ATP12A: variants seen among roughly 807,000 people sequenced by gnomAD.
ATP12A encodes the protein ATPase H+/K+ transporting non-gastric alpha2 subunit.
Under a neutral mutation model 111.2 loss-of-function variants are expected in ATP12A, and 81 were observed. The ratio of observed to expected loss-of-function variants is 0.73; its 90% CI spans 0.61 to 0.88. The LOEUF (loss-of-function observed/expected upper bound fraction) is 0.88, where lower values mean the gene tolerates loss of function less well. Among genes scored for constraint, ATP12A ranks in the 40% least tolerant of loss-of-function variants. The pLI is 0.00. For synonymous variants in ATP12A, 498 were observed against 499.8 expected, an observed-to-expected ratio of 1.00 and a Z score of 0.05; for missense variants, 1,196 against 1,313.1, an observed-to-expected ratio of 0.91 and a Z score of 1.38.
intron 13 of ATP12A, 120 bp from the exon 14 acceptor site, chr13:24,701,815 C>G (rs1875409024): frequency 7.7e-7 from 1 of 1,302,004 alleles, no homozygotes; most frequent in Non-Finnish European, 1.1e-6. Flanking sequence ...CCAGAGCTGC[C>G]ACTGTAATCA....
intron 10 of ATP12A, 56 bp from the exon 11 acceptor site, chr13:24,694,388 G>C (rs1253607751): frequency 6.2e-7 from 1 of 1,606,190 alleles, no homozygotes; most frequent in Non-Finnish European, 8.5e-7. Context: ...CCTATGCTGA[G>C]GGCATGTTGG....
In ATP12A at chr13:24,711,488, C is replaced by G. The variant is rs1384822411; in HGVS notation, c.3092-6C>G. ...ATTTCTGATGTACTTTTTTCTACCT[C>G]TACAGGCTGGTGGGATAAGAACATG... On this transcript the variant is annotated splice_region_variant and splice_polypyrimidine_tract_variant and intron_variant, in intron 22 of 22. Coordinates refer to ENST00000381946, the MANE Select transcript of ATP12A (RefSeq NM_001676.7). 6.2e-7 allele frequency: 1 copy of G among 1,614,188 alleles called. No individual in the cohort carries two copies. Among genetic ancestry groups the G allele is most frequent in the Non-Finnish European group, 8.5e-7 (1 of 1,180,030 alleles).
chr13:24,701,793 T>A, intron 13 of ATP12A, 142 bp from the exon 14 acceptor site: 1 of 1,070,316 alleles, frequency 9.3e-7, no homozygotes, highest in Non-Finnish European at 1.4e-6. Context: ...CAAAGACAGT[T>A]GTCTCGTAGA....
chr13:24,712,460 T>G lies in ATP12A; in HGVS notation c.*938T>G, dbSNP rs1593146894. On this transcript the variant is annotated 3_prime_UTR_variant, in exon 23 of 23. Transcript: ENST00000381946. Reference sequence around the variant, plus strand: ...AGGCCTCATTTTTAACTAAAAGATGTTTTATAAACCCAGGTTTAATTGTGG... The same window carrying G: ...AGGCCTCATTTTTAACTAAAAGATGGTTTATAAACCCAGGTTTAATTGTGG... The G allele has an allele frequency of 6.6e-6, 1 of 152,188 alleles. No individual in the cohort carries two copies. The highest frequency in any genetic ancestry group is 2.1e-4 in the South Asian group (1 of 4,814). 9.4% of individuals were successfully genotyped at this position (152,188 alleles called of 1,614,324 possible).
rs1593145351 is a variant in ATP12A, at chr13:24,709,726, C to G, written c.2661C>G (p.Val887=). 6.2e-7 allele frequency: 1 copy of G among 1,614,230 alleles called. No individual in the cohort carries two copies. The highest frequency in any genetic ancestry group is 2.2e-5 in the East Asian group (1 of 44,882). ...ALGAFLVYFT[V]YAQEGFLPRT... ...GAGCTTTCCTTGTGTATTTCACCGT[C>G]TATGCACAAGAGGGCTTTCTGCCCC... The change falls in exon 19 of 23, where the codon GTC becomes GTG. Residue 887 remains valine (V), a synonymous_variant. Transcript: ENST00000381946.
intron 10 of ATP12A, 93 bp downstream of exon 10, chr13:24,692,989 G>T (rs878891335): frequency 7.2e-6 from 9 of 1,250,340 alleles, no homozygotes; most frequent in Non-Finnish European, 1.0e-5. Flanking sequence ...CTCTCCAGTT[G>T]CTTAAAGTTT....
chr13:24,684,050 AACC>A (rs1475392577), intron 2 of ATP12A, among the ~76,000 whole-genome samples: 2 of 151,976 alleles, frequency 1.3e-5, no homozygotes, highest in Non-Finnish European at 2.9e-5. Flanking sequence ...CACCCCAGAT[AACC>A]ACCACCACCT....
chr13:24,691,579 G>T lies in ATP12A; in HGVS notation c.1068+329G>T, dbSNP rs117511350. On this transcript the variant is annotated intron_variant, in intron 8 of 22. Coordinates refer to ENST00000381946, the MANE Select transcript of ATP12A (RefSeq NM_001676.7). Reference sequence around the variant, plus strand: ...TTGATGCCTTCCGCACATTTCTTTGGCAGTTTCTACAACTTAGGCATTTAG... The same window carrying T: ...TTGATGCCTTCCGCACATTTCTTTGTCAGTTTCTACAACTTAGGCATTTAG... Among the ~76,000 whole-genome samples the T allele has an allele frequency of 9.0e-3, 1,366 of 151,942 alleles. 11 individuals carry two copies. The highest frequency in any genetic ancestry group is 0.016 in the South Asian group (77 of 4,810).
chr13:24,682,978 CAG>C (rs1393042571), intron 2 of ATP12A, among the ~76,000 whole-genome samples: 11 of 110,432 alleles, frequency 1.0e-4, no homozygotes, highest in South Asian at 3.0e-4. Context: ...TTTTTTGAGA[CAG>C]AGTTTCGCTC....
chr13:24,706,233 C>A, intron 14 of ATP12A, 80 bp from the exon 15 acceptor site: 1 of 1,548,120 alleles, frequency 6.5e-7, no homozygotes, highest in South Asian at 1.3e-5. Flanking sequence ...AGAGAGGCTT[C>A]AGCCAGCATC....
In ATP12A at chr13:24,690,346, C is replaced by T. The variant is rs373778335; in HGVS notation, c.555C>T (p.Leu185=). Residue 185 remains leucine, a synonymous_variant, in exon 6 of 23, where the codon CTC becomes CTT. Transcript: ENST00000381946. ...ATGGTTTTTTTCTGCAGCAAGCTCTCGTCATCCGAGATTCCGAGAAGAAGA... is the reference window on the plus strand; with the variant it reads ...ATGGTTTTTTTCTGCAGCAAGCTCTTGTCATCCGAGATTCCGAGAAGAAGA... ...SFNKMIPQQA[L]VIRDSEKKTI... 3.3e-5 allele frequency: 54 copies of T among 1,613,074 alleles called. No individual in the cohort carries two copies. The highest frequency in any genetic ancestry group is 2.9e-4 in the East Asian group (13 of 44,864).
chr13:24,706,589 C>T (rs1388398109), intron 15 of ATP12A, 126 bp downstream of exon 15: 2 of 1,367,094 alleles, frequency 1.5e-6, no homozygotes, highest in Non-Finnish European at 2.0e-6. Context: ...TTGGCTCATC[C>T]CCATCACCTG....
chr13:24,692,455 G>A lies in ATP12A; in HGVS notation c.1095G>A (p.Arg365=), dbSNP rs750380289. ...VTVTLSLTAK[R]MAKKNCLVKN... ...TGACCCTGTCGCTGACAGCAAAACG[G>A]ATGGCCAAGAAGAACTGCCTGGTGA... Residue 365 remains arginine, a synonymous_variant, in exon 9 of 23, where the codon CGG becomes CGA. Coordinates refer to ENST00000381946, the MANE Select transcript of ATP12A (RefSeq NM_001676.7). 1.2e-6 allele frequency: 2 copies of A among 1,614,022 alleles called. No individual in the cohort carries two copies. The highest frequency in any genetic ancestry group is 1.1e-5 in the South Asian group (1 of 91,070).
At position 24,711,810 on chromosome 13, in the gene ATP12A, C is replaced by T. The variant is rs1225648041; in HGVS notation, c.*288C>T. The T allele has an allele frequency of 2.1e-6, 1 of 483,786 alleles. No homozygotes were observed. Among genetic ancestry groups the T allele is most frequent in the East Asian group, 3.9e-5 (1 of 25,504 alleles). 30.0% of individuals were successfully genotyped at this position (483,786 alleles called of 1,614,324 possible). A position where few individuals can be genotyped will look rare whatever the true frequency, so the allele number is the denominator to read the frequency against. ...AGAATGTGTTTATGTGTATTTGAAA[C>T]TCCTTGATGTTAATAGTCTTGTGTA... On this transcript the variant is annotated 3_prime_UTR_variant, in exon 23 of 23. Transcript: ENST00000381946.
intron 4 of ATP12A, 86 bp downstream of exon 4, chr13:24,688,608 C>T: frequency 1.5e-6 from 2 of 1,307,966 alleles, no homozygotes; most frequent in East Asian, 2.5e-5. Context: ...CTGAATGCCA[C>T]TGCCTAGGTG....
At position 24,688,329 on chromosome 13, in the gene ATP12A, G is replaced by A. The variant is rs181476360; in HGVS notation, c.239G>A (p.Ser80Asn). ...YGTDIIMGLS[S>N]TRAAELLARD... is the part of the protein sequence containing the mutation. The stretch of plus-strand genomic sequence containing the variant: ...GTTTGGCTTTCCCAGGGTCTCTCCA[G>A]CACCAGAGCTGCCGAGCTCCTGGCC... Residue 80 changes from serine (S) to asparagine (N), a missense_variant, in exon 4 of 23, where the codon AGC becomes AAC. Transcript: ENST00000381946. 1.9e-5 allele frequency: 31 copies of A among 1,613,284 alleles called. No individual in the cohort carries two copies. In the East Asian group the frequency reaches 5.6e-4, roughly 29 times the overall value.
chr13:24,683,423 T>G (rs1224757318), intron 2 of ATP12A, among the ~76,000 whole-genome samples: 1 of 152,188 alleles, frequency 6.6e-6, no homozygotes, highest in Non-Finnish European at 1.5e-5. Context: ...GGGAGTCTCT[T>G]TTGTGCTAGA....
chr13:24,687,059 TG>T (rs1874699495), intron 3 of ATP12A, among the ~76,000 whole-genome samples: 1 of 151,978 alleles, frequency 6.6e-6, no homozygotes, highest in African/African-American at 2.4e-5. Flanking sequence ...GAAAAGGAAT[TG>T]GAGTGGAGGG....
chr13:24,710,987 C>T lies in ATP12A; in HGVS notation c.2999+94C>T, dbSNP rs1307222248. ...ACCTGAGGATTCCCAGGGTTCTTCC[C>T]CAAGTCTTTCAAAAGACGTCAAACT... On this transcript the variant is annotated intron_variant, in intron 21 of 22. Transcript: ENST00000381946. 5 of 1,154,852 alleles carry T rather than the reference C, an allele frequency of 4.3e-6. No homozygotes were observed. In the East Asian group the frequency reaches 7.2e-5, roughly 17 times the overall value. 71.5% of individuals were successfully genotyped at this position (1,154,852 alleles called of 1,614,324 possible). A position where few individuals can be genotyped will look rare whatever the true frequency, so the allele number is the denominator to read the frequency against.
Sources: gnomAD v4.1 joint callset for allele counts (sites outside exome capture counted in the v4.1 genomes callset) on GRCh38, gnomAD v4.1.1 for gene constraint, MANE v1.5 for transcripts, NCBI Gene and HGNC (gene_info 2026-07-23, HGNC 2026-07-21) for gene names.